The following UBE2E3 variants were observed in gnomAD, a reference collection of about 807,000 sequenced individuals.
UBE2E3 encodes the protein ubiquitin-conjugating enzyme E2 E3.
UBE2E3 carries 5 observed loss-of-function variants against 23.6 expected under a neutral mutation model. The ratio of observed to expected loss-of-function variants is 0.21; its 90% CI spans 0.11 to 0.44. UBE2E3 has a LOEUF of 0.44. UBE2E3 is among the 20% of genes least tolerant of loss of function. UBE2E3 has a pLI of 0.99. For missense variants in UBE2E3, 81 were observed against 249.8 expected, an observed-to-expected ratio of 0.32 and a Z score of 4.55; for synonymous variants, 78 against 87.5, an observed-to-expected ratio of 0.89 and a Z score of 0.60.
rs1422526633 is a variant in UBE2E3 at position 180,980,969 on chromosome 2, C to T, written c.-30C>T. On this transcript the variant is annotated 5_prime_UTR_variant, in exon 1 of 6. Coordinates refer to ENST00000410062, the MANE Select transcript of UBE2E3 (RefSeq NM_006357.4). The surrounding 1 kb of genome is among the most constrained non-coding windows in gnomAD (Gnocchi z 5.5). ...GCGCGCGAGCGGGCCGGGCGGGCGG[C>T]CGAGGTAAGGCGGCGGGGCCGGGGG... The T allele has an allele frequency of 1.4e-5, 2 of 147,054 alleles. No individual in the cohort carries two copies. The highest frequency in any genetic ancestry group is 1.4e-4 in the Admixed American group (2 of 14,790). The allele number at this position is 147,054 out of a possible 1,614,324, so 9.1% of individuals were successfully genotyped here.
chr2:180,993,897 T>TG (rs1323243039), intron 3 of UBE2E3, among the ~76,000 whole-genome samples: 1 of 152,190 alleles, frequency 6.6e-6, no homozygotes, highest in Non-Finnish European at 1.5e-5. Context: ...GATTTATTCT[T>TG]GCCTCATACT....
chr2:181,061,775 C>CTTT (rs58811030), intron 5 of UBE2E3, among the ~76,000 whole-genome samples: 1 of 144,944 alleles, frequency 6.9e-6, no homozygotes, highest in Non-Finnish European at 1.5e-5. Flanking sequence ...GTTATGTGAC[C>CTTT]TTTTTTTTTT....
chr2:181,025,863 T>TG (rs1213403080), intron 3 of UBE2E3, among the ~76,000 whole-genome samples: 1 of 151,980 alleles, frequency 6.6e-6, no homozygotes, highest in African/African-American at 2.4e-5. Context: ...TAAAACTCTC[T>TG]AAGATAGCTC....
intron 3 of UBE2E3, among the ~76,000 whole-genome samples, chr2:181,020,987 A>G (rs1029721502): frequency 3.9e-5 from 6 of 152,170 alleles, no homozygotes; most frequent in South Asian, 4.1e-4. Context: ...ACATGTTTCA[A>G]TATTTGTGTA....
intron 3 of UBE2E3, among the ~76,000 whole-genome samples, chr2:181,013,249 G>A (rs554428180): frequency 6.6e-6 from 1 of 152,290 alleles, no homozygotes; most frequent in South Asian, 2.1e-4. Flanking sequence ...CCACAATTTA[G>A]TGGCTTTAAA....
chr2:181,035,582 A>G (rs113376912), intron 3 of UBE2E3, among the ~76,000 whole-genome samples: 2,291 of 152,316 alleles, frequency 0.015, 62 homozygotes, highest in African/African-American at 0.052. Context: ...AATGATACAT[A>G]GCAAGCTTGT....
At chr2:180,980,463 A>AG (rs1436964460), upstream of UBE2E3, 1 of 150,154 alleles carries the variant, frequency 6.7e-6, no homozygotes, top group Non-Finnish European at 1.5e-5. The surrounding 1 kb of genome is among the most constrained non-coding windows in gnomAD (Gnocchi z 5.5). Context: ...CCCCAGGGTG[A>AG]GGGGAGGTGT....
chr2:180,983,786 CTAGTGGATGAGTAT>C (rs922475539), intron 2 of UBE2E3, among the ~76,000 whole-genome samples: 1 of 152,110 alleles, frequency 6.6e-6, no homozygotes, highest in African/African-American at 2.4e-5. Flanking sequence ...TTACTGAGTA[CTAGTGGATGAGTAT>C]TTCTCCAATC....
chr2:181,061,891 A>G (rs1378072384), intron 5 of UBE2E3, among the ~76,000 whole-genome samples: 1 of 151,460 alleles, frequency 6.6e-6, no homozygotes, highest in Non-Finnish European at 1.5e-5. Context: ...TGACAGATGG[A>G]TATTCATTGT....
At chr2:181,057,411 G>A (rs1479882663) in intron 3 of UBE2E3, among the ~76,000 whole-genome samples, 1 of 151,788 alleles carries the variant, frequency 6.6e-6, no homozygotes, top group Non-Finnish European at 1.5e-5. Context: ...TTTCGGGAGA[G>A]AGAGGAGCAA....
intron 3 of UBE2E3, among the ~76,000 whole-genome samples, chr2:180,985,445 TTAAAA>T (rs1285992339): frequency 6.6e-6 from 1 of 152,188 alleles, no homozygotes; most frequent in East Asian, 1.9e-4. Context: ...TTCATTAATA[TTAAAA>T]TAATATTTTG....
At position 181,063,059 on chromosome 2, in the gene UBE2E3, T is replaced by C. The variant is rs1441058698; in HGVS notation, c.*171T>C. 2.6e-6 allele frequency: 1 copy of C among 390,124 alleles called. No homozygotes were observed. Among genetic ancestry groups the C allele is most frequent in the Non-Finnish European group, 4.8e-6 (1 of 208,766 alleles). 24.2% of individuals were successfully genotyped at this position (390,124 alleles called of 1,614,324 possible). ...CCAAAAAGGTAAATGCTATCAAGAGTAGAACTTTGTAGCTGTAGATTAGTT... is the reference window on the plus strand; with the variant it reads ...CCAAAAAGGTAAATGCTATCAAGAGCAGAACTTTGTAGCTGTAGATTAGTT... On this transcript the variant is annotated 3_prime_UTR_variant, in exon 6 of 6. Coordinates refer to ENST00000410062, the MANE Select transcript of UBE2E3 (RefSeq NM_006357.4). The surrounding 1 kb of genome is among the most constrained non-coding windows in gnomAD (Gnocchi z 4.1).
At chr2:181,025,314 A>G (rs1046857284) in intron 3 of UBE2E3, among the ~76,000 whole-genome samples, 6 of 151,988 alleles carry the variant, frequency 3.9e-5, no homozygotes, top group Non-Finnish European at 7.4e-5. Context: ...CTTGCTTTCT[A>G]GAAATGCTTT....
chr2:181,002,518 T>C (rs1265749761), intron 3 of UBE2E3, among the ~76,000 whole-genome samples: 1 of 152,186 alleles, frequency 6.6e-6, no homozygotes, highest in Non-Finnish European at 1.5e-5. Context: ...CAACAGTGCT[T>C]TCCAATAAAA....
intron 3 of UBE2E3, among the ~76,000 whole-genome samples, chr2:180,994,574 G>A (rs999799707): frequency 1.3e-5 from 2 of 152,258 alleles, no homozygotes; most frequent in East Asian, 1.9e-4. Context: ...TTACAAATGG[G>A]TGTTGTCCTT....
chr2:181,032,092 T>A (rs1686098180), intron 3 of UBE2E3, among the ~76,000 whole-genome samples: 1 of 152,084 alleles, frequency 6.6e-6, no homozygotes. Context: ...TTTGCTGAGG[T>A]TTTCATTCCC....
intron 3 of UBE2E3, among the ~76,000 whole-genome samples, chr2:181,044,557 C>A (rs1254156670): frequency 6.6e-6 from 1 of 152,006 alleles, no homozygotes; most frequent in Non-Finnish European, 1.5e-5. Flanking sequence ...AGGCTTTATC[C>A]TAAGGAAGAT....
chr2:181,049,098 C>G (rs550055380), intron 3 of UBE2E3, among the ~76,000 whole-genome samples: 1 of 152,100 alleles, frequency 6.6e-6, no homozygotes, highest in South Asian at 2.1e-4. Context: ...AAAGAAGCTT[C>G]AGAGGATAAA....
chr2:181,017,651 A>T (rs1169381371), intron 3 of UBE2E3, among the ~76,000 whole-genome samples: 13 of 145,886 alleles, frequency 8.9e-5, no homozygotes, highest in Non-Finnish European at 1.2e-4. Flanking sequence ...TCCTTGATCC[A>T]TTTTTTTTTT....
Sources: allele counts gnomAD v4.1 joint callset (sites outside exome capture counted in the v4.1 genomes callset), GRCh38; gene constraint gnomAD v4.1.1; non-coding constraint Gnocchi (gnomAD v3.1); transcripts MANE v1.5; gene names NCBI Gene and HGNC (gene_info 2026-07-23, HGNC 2026-07-21).